The following CACNA1C variants were observed in gnomAD, a reference collection of about 807,000 sequenced individuals.
The protein encoded by CACNA1C is calcium voltage-gated channel subunit alpha1 C, also known as voltage-dependent L-type calcium channel subunit alpha-1C.
In CACNA1C, 30 loss-of-function variants were observed where a neutral mutation model predicts 229.0. That is an observed-to-expected ratio of 0.13 (90% CI 0.10 to 0.18). CACNA1C has a LOEUF of 0.18. Ranked by LOEUF, CACNA1C falls within the 10% of genes least tolerant of loss-of-function variation. The pLI is 1.00. For missense variants in CACNA1C, 1,658 were observed against 2,845.0 expected (o/e 0.58, Z 9.49); for synonymous variants, 1,114 against 1,132.5 (o/e 0.98, Z 0.33).
At chr12:2,332,166 AT>A (rs1373621020) in intron 3 of CACNA1C, among the ~76,000 whole-genome samples, 5 of 152,210 alleles carry the variant, frequency 3.3e-5, no homozygotes, top group Admixed American at 1.3e-4. Flanking sequence ...TTCCAAAAAA[AT>A]ATATGTGTGT....
chr12:2,393,499 C>T (rs1226717837), intron 3 of CACNA1C, among the ~76,000 whole-genome samples: 1 of 152,196 alleles, frequency 6.6e-6, no homozygotes, highest in Non-Finnish European at 1.5e-5. Context: ...GCAAGTGTGG[C>T]CTGACAGCCG....
rs182845914 is a variant in CACNA1C at position 2,527,234 on chromosome 12, G to T, written c.1390+14250G>T. On this transcript the variant is annotated intron_variant, in intron 9 of 46. Coordinates refer to ENST00000399655, the MANE Select transcript of CACNA1C (RefSeq NM_000719.7). ...GAACTTCAATAGTGCCTTGTGTGCA[G>T]GATCACAGTGTATAAAGATTAGAGG... Among the ~76,000 whole-genome samples, 6 of 152,310 alleles carry T rather than the reference G, an allele frequency of 3.9e-5. No homozygotes were observed. In the East Asian group the frequency reaches 1.2e-3, roughly 29 times the overall value.
chr12:2,035,113 C>T (rs1209261704), intron 1 of CACNA1C, among the ~76,000 whole-genome samples: 1 of 152,172 alleles, frequency 6.6e-6, no homozygotes, highest in Admixed American at 6.5e-5. Flanking sequence ...ACCGCAAGGC[C>T]CGGGGGCGTG....
At position 2,068,143 on chromosome 12, in the gene CACNA1C, T is replaced by C. The variant is rs553291926; in HGVS notation, c.49+14532T>C. Among the ~76,000 whole-genome samples the C allele has an allele frequency of 1.5e-4, 23 of 152,254 alleles. 1 individual carries two copies. Among genetic ancestry groups the C allele is most frequent in the Middle Eastern group, 6.8e-3 (2 of 294 alleles). On this transcript the variant is annotated intron_variant, in intron 1 of 46. Coordinates refer to ENST00000399655, the MANE Select transcript of CACNA1C (RefSeq NM_000719.7). ...CCCTGTAATCAAGAAAAATATGATA[T>C]CCTGAATGTTTCATGAAAGGATGTG...
chr12:2,274,489 G>A (rs2086773681), intron 3 of CACNA1C, among the ~76,000 whole-genome samples: 1 of 152,218 alleles, frequency 6.6e-6, no homozygotes, highest in Non-Finnish European at 1.5e-5. Flanking sequence ...TTCAGCCGCT[G>A]GTGACTGCTC....
chr12:2,091,199 A>G lies in CACNA1C; in HGVS notation c.50-24025A>G, dbSNP rs115889878. On this transcript the variant is annotated intron_variant, in intron 1 of 46. Coordinates refer to ENST00000399655, the MANE Select transcript of CACNA1C (RefSeq NM_000719.7). ...TTCTCCCTCTGCAAGTCCCAAAAGT[A>G]TGCGGGTTACTTGTCCCCATTGGCC... Among the ~76,000 whole-genome samples the G allele has an allele frequency of 7.0e-3, 1,063 of 152,258 alleles. 8 individuals carry two copies. The highest frequency in any genetic ancestry group is 0.024 in the African/African-American group (1,002 of 41,552).
At chr12:1,989,114 T>C (rs2154472480) in intron 1 of CACNA1C, among the ~76,000 whole-genome samples, 1 of 152,356 alleles carries the variant, frequency 6.6e-6, no homozygotes, top group Non-Finnish European at 1.5e-5. Context: ...CTGGGCATGG[T>C]GGCTCCCGCC....
Position 2,691,212 on chromosome 12 carries a change from G to A in CACNA1C, c.*13G>A. On this transcript the variant is annotated 3_prime_UTR_variant, in exon 47 of 47. Transcript: ENST00000399655. The stretch of plus-strand genomic sequence containing the variant: ...CAGCAGCCTGTAGTGGGCGCTGCCA[G>A]ATGCGGGCTTTTTTTTATTTGTTTC... 1 of 1,526,346 alleles carries A rather than the reference G, an allele frequency of 6.6e-7. No individual in the cohort carries two copies. The highest frequency in any genetic ancestry group is 8.8e-7 in the Non-Finnish European group (1 of 1,139,488). The allele number at this position is 1,526,346 out of a possible 1,614,324, so 94.6% of individuals were successfully genotyped here. A position where few individuals can be genotyped will look rare whatever the true frequency, so the allele number is the denominator to read the frequency against.
intron 1 of CACNA1C, among the ~76,000 whole-genome samples, chr12:2,017,326 G>A (rs1357525139): frequency 6.6e-6 from 1 of 152,118 alleles, no homozygotes; most frequent in Non-Finnish European, 1.5e-5. Flanking sequence ...TTTAATTGTG[G>A]CCTCGTTAGT....
At chr12:2,580,822 G>T (rs756077191) in intron 13 of CACNA1C, among the ~76,000 whole-genome samples, 5 of 152,170 alleles carry the variant, frequency 3.3e-5, no homozygotes, top group Non-Finnish European at 5.9e-5. Context: ...TGCCCCAGTG[G>T]GTGTGACAGG....
intron 3 of CACNA1C, among the ~76,000 whole-genome samples, chr12:2,417,242 G>A (rs759814617): frequency 5.3e-5 from 8 of 152,194 alleles, no homozygotes; most frequent in African/African-American, 1.4e-4. Flanking sequence ...TCTGCGATGC[G>A]GGTTGTATCT....
intron 3 of CACNA1C, among the ~76,000 whole-genome samples, chr12:2,262,384 C>T (rs910218910): frequency 6.6e-6 from 1 of 152,182 alleles, no homozygotes; most frequent in African/African-American, 2.4e-5. Context: ...TTTTGAGTCC[C>T]CAGTCTGTTT....
rs749298267 is a variant in CACNA1C at position 2,648,496 on chromosome 12, T to C, written c.3934T>C (p.Ser1312Pro). 2.5e-6 allele frequency: 4 copies of C among 1,613,794 alleles called. No individual in the cohort carries two copies. Among genetic ancestry groups the C allele is most frequent in the Non-Finnish European group, 3.4e-6 (4 of 1,179,826 alleles). The change falls in exon 31 of 47, where the codon TCT (serine) becomes CCT (proline). Residue 1312 changes from serine to proline, a missense_variant. Physicochemically the swap from Ser to Pro is moderately conservative, Grantham distance 74. Around this residue, in one of 20 missense-constraint regions of CACNA1C, gnomAD observed 38 missense variants for 53.3 expected, o/e 0.71. Transcript: ENST00000399655. ...EVNPAEHTQC[S>P]PSMNAEENSR... ...AAAGCCAGCTGAACATACCCAATGC[T>C]CTCCCTCTATGGTAAGACCAACCCT...
In CACNA1C at chr12:2,310,328, C is replaced by T. The variant is rs535499037; in HGVS notation, c.478-138648C>T. ...AGATGGGGCAACATCCTGTCCTGTC[C>T]TCTGCCTCCCAGTTAAAAAAAAAAA... On this transcript the variant is annotated intron_variant, in intron 3 of 46. Transcript: ENST00000399655. Among the ~76,000 whole-genome samples, 10 of 148,700 alleles carry T rather than the reference C, an allele frequency of 6.7e-5. 1 individual carries two copies. The East Asian group carries it at 2.0e-3, about 30-fold the overall frequency.
chr12:2,552,880 C>A (rs148852483), intron 10 of CACNA1C, among the ~76,000 whole-genome samples: 1 of 152,016 alleles, frequency 6.6e-6, no homozygotes, highest in Non-Finnish European at 1.5e-5. Context: ...GTGTGGGAAG[C>A]GCTGGCCTTC....
At chr12:2,618,837 T>C (rs1331134507) in intron 29 of CACNA1C, among the ~76,000 whole-genome samples, 1 of 152,216 alleles carries the variant, frequency 6.6e-6, no homozygotes, top group African/African-American at 2.4e-5. Context: ...GAGAATCTTC[T>C]AGGAACTTGG....
chr12:2,435,857 A>T (rs2099129507), intron 3 of CACNA1C, among the ~76,000 whole-genome samples: 1 of 152,168 alleles, frequency 6.6e-6, no homozygotes, highest in Admixed American at 6.5e-5. Flanking sequence ...GCTGAATGGG[A>T]CAGCCTGGAA....
At position 2,377,693 on chromosome 12, in the gene CACNA1C, C is replaced by T. The variant is rs142606367; in HGVS notation, c.478-71283C>T. 6.8e-3 allele frequency among the ~76,000 whole-genome samples: 1,029 copies of T among 152,222 alleles called. 4 individuals are homozygous for T. The highest frequency in any genetic ancestry group is 0.011 in the Non-Finnish European group (755 of 68,012). On this transcript the variant is annotated intron_variant, in intron 3 of 46. Transcript: ENST00000399655. Reference sequence around the variant, plus strand: ...TGCACTGCTCACTTAAAAGGTGGGGCGTATTATCCCCGTTTCACAGCTGAG... The same window carrying T: ...TGCACTGCTCACTTAAAAGGTGGGGTGTATTATCCCCGTTTCACAGCTGAG...
At chr12:2,572,313 TCCTC>T (rs2055067896) in intron 13 of CACNA1C, among the ~76,000 whole-genome samples, 1 of 144,782 alleles carries the variant, frequency 6.9e-6, no homozygotes, top group African/African-American at 2.5e-5. Context: ...CTCCTCCTCC[TCCTC>T]CTCTTCCTCC....
Sources: allele counts gnomAD v4.1 joint callset (sites outside exome capture counted in the v4.1 genomes callset), GRCh38; gene constraint gnomAD v4.1.1; regional missense constraint gnomAD v4.1.1; transcripts MANE v1.5; gene names NCBI Gene and HGNC (gene_info 2026-07-23, HGNC 2026-07-21).